The following STAB2 variants were observed in gnomAD, a reference collection of about 807,000 sequenced individuals.
STAB2 encodes stabilin 2.
In STAB2, 288 loss-of-function variants were observed where a neutral mutation model predicts 338.1. That is an observed-to-expected ratio of 0.85 (90% CI 0.77 to 0.94). STAB2 has a LOEUF of 0.94. Among genes scored for constraint, STAB2 ranks in the 40% least tolerant of loss-of-function variants. STAB2 has a pLI of 0.00. For synonymous variants in STAB2, 1,202 were observed against 1,193.3 expected, an observed-to-expected ratio of 1.01 and a Z score of -0.15; for missense variants, 3,141 against 3,210.1, an observed-to-expected ratio of 0.98 and a Z score of 0.52.
At chr12:103,748,940 C>T in intron 58 of STAB2, 23 bp from the exon 59 acceptor site, 1 of 1,601,164 alleles carries the variant, frequency 6.2e-7, no homozygotes, top group Non-Finnish European at 8.5e-7. Context: ...GTAAGTTGAG[C>T]CCTCTCTCCT....
chr12:103,744,314 T>A (rs1882822955), intron 56 of STAB2, among the ~76,000 whole-genome samples: 2 of 151,930 alleles, frequency 1.3e-5, no homozygotes, highest in African/African-American at 4.8e-5. Context: ...CAAATAATTT[T>A]TTATTTTTTA....
intron 3 of STAB2, among the ~76,000 whole-genome samples, chr12:103,598,687 T>G (rs1267740168): frequency 6.6e-6 from 1 of 152,226 alleles, no homozygotes; most frequent in Non-Finnish European, 1.5e-5. Context: ...TTTCATAAAT[T>G]GTTAAAACAA....
chr12:103,596,280 C>A (rs969769347), intron 3 of STAB2, among the ~76,000 whole-genome samples: 12 of 152,178 alleles, frequency 7.9e-5, no homozygotes. Context: ...TGCTAAGTTA[C>A]TAATCAGAAA....
At chr12:103,621,479 T>A (rs1213656486) in intron 4 of STAB2, among the ~76,000 whole-genome samples, 1 of 152,184 alleles carries the variant, frequency 6.6e-6, no homozygotes, top group Non-Finnish European at 1.5e-5. Context: ...ACGCCTGTAA[T>A]CCCAGTACTT....
At chr12:103,693,347 G>A (rs1418215741) in intron 31 of STAB2, among the ~76,000 whole-genome samples, 1 of 152,046 alleles carries the variant, frequency 6.6e-6, no homozygotes, top group Non-Finnish European at 1.5e-5. Flanking sequence ...TGAGGCAGGA[G>A]GATCACTTGA....
rs1294836084 is a variant in STAB2 at position 103,629,201 on chromosome 12, T to G, written c.488-2397T>G. On this transcript the variant is annotated intron_variant, in intron 5 of 68. Coordinates refer to ENST00000388887, the MANE Select transcript of STAB2 (RefSeq NM_017564.10). The stretch of plus-strand genomic sequence containing the variant: ...CAGAGAGGCTGTGGTGTTCTGCTGC[T>G]GAGCATAAACGATGTCACAGAATAT... Among the ~76,000 whole-genome samples, 3 of 152,346 alleles carry G rather than the reference T, an allele frequency of 2.0e-5. No homozygotes were observed. The South Asian group carries it at 6.2e-4, about 32-fold the overall frequency.
chr12:103,669,555 C>T lies in STAB2; in HGVS notation c.2187C>T (p.Cys729=). 6.2e-7 allele frequency: 1 copy of T among 1,614,202 alleles called. No individual in the cohort carries two copies. The highest frequency in any genetic ancestry group is 8.5e-7 in the Non-Finnish European group (1 of 1,180,016). The part of the protein sequence containing the change: ...CNATVKIPKC[C]KGFYGPDCNQ... ...TTGTTTTTCAGATTCCAAAGTGCTG[C>T]AAAGGCTTCTATGGACCTGACTGCA... The change falls in exon 21 of 69, where the codon TGC becomes TGT. Residue 729 remains cysteine (C), a synonymous_variant. Coordinates refer to ENST00000388887, the MANE Select transcript of STAB2 (RefSeq NM_017564.10).
intron 9 of STAB2, among the ~76,000 whole-genome samples, chr12:103,647,371 C>T (rs996495321): frequency 2.6e-5 from 4 of 152,140 alleles, no homozygotes; most frequent in Non-Finnish European, 4.4e-5. Flanking sequence ...ATGCTTTCCT[C>T]AATGTGAGTC....
intron 34 of STAB2, among the ~76,000 whole-genome samples, chr12:103,701,504 TA>T (rs1878867859): frequency 6.6e-6 from 1 of 152,244 alleles, no homozygotes; most frequent in South Asian, 2.1e-4. Context: ...AAATGCTTTC[TA>T]AATGAGTAGA....
At chr12:103,747,964 T>A (rs1593324435) in intron 58 of STAB2, among the ~76,000 whole-genome samples, 1 of 131,286 alleles carries the variant, frequency 7.6e-6, no homozygotes, top group African/African-American at 3.1e-5. Context: ...CACTCTACTC[T>A]AGCCTGGGCA....
intron 23 of STAB2, 74 bp from the exon 24 acceptor site, chr12:103,675,854 T>C (rs1163284680): frequency 2.4e-6 from 3 of 1,239,726 alleles, no homozygotes; most frequent in Non-Finnish European, 3.4e-6. Flanking sequence ...AACTGGCTCA[T>C]CTCTAGCTGG....
At chr12:103,625,928 C>T (rs1414310031) in intron 5 of STAB2, among the ~76,000 whole-genome samples, 1 of 152,124 alleles carries the variant, frequency 6.6e-6, no homozygotes, top group African/African-American at 2.4e-5. Context: ...CCTGAGGAAT[C>T]GCCACACTGA....
chr12:103,600,083 C>T (rs1956932257), intron 3 of STAB2, among the ~76,000 whole-genome samples: 4 of 152,178 alleles, frequency 2.6e-5, no homozygotes, highest in Admixed American at 2.6e-4. Flanking sequence ...ATACCTTCCT[C>T]ATTTAGATGT....
chr12:103,626,382 C>T (rs1280843820), intron 5 of STAB2, among the ~76,000 whole-genome samples: 2 of 152,150 alleles, frequency 1.3e-5, no homozygotes, highest in Admixed American at 1.3e-4. Flanking sequence ...CTCAGCCTGA[C>T]CATAGTTTGA....
rs769749218 is a variant in STAB2 at position 103,666,320 on chromosome 12, C to T, written c.2052C>T (p.Tyr684=). ...CTTGTGTGAGCTGTTCTCTGGTGTACTGGAGCAGATGTCCTGCTAACTCTG... is the reference window on the plus strand; with the variant it reads ...CTTGTGTGAGCTGTTCTCTGGTGTATTGGAGCAGATGTCCTGCTAACTCTG... ...LGTCVSCSLV[Y]WSRCPANSEP... Residue 684 remains tyrosine (Y), a synonymous_variant, in exon 19 of 69, where the codon TAC becomes TAT. Coordinates refer to ENST00000388887, the MANE Select transcript of STAB2 (RefSeq NM_017564.10). The T allele has an allele frequency of 1.1e-5, 17 of 1,614,174 alleles. No homozygotes were observed. The highest frequency in any genetic ancestry group is 1.4e-5 in the Non-Finnish European group (16 of 1,180,032).
At chr12:103,741,594 C>A (rs1050192936) in intron 55 of STAB2, among the ~76,000 whole-genome samples, 1 of 152,186 alleles carries the variant, frequency 6.6e-6, no homozygotes, top group Admixed American at 6.5e-5. Flanking sequence ...GCTGGGACTA[C>A]AGGCACATGC....
chr12:103,746,550 C>G, intron 57 of STAB2, 47 bp from the exon 58 acceptor site: 1 of 1,587,132 alleles, frequency 6.3e-7, no homozygotes. Flanking sequence ...TGGGTTTTAA[C>G]TCTTCACACC....
chr12:103,724,506 C>T (rs1408068145), intron 44 of STAB2, among the ~76,000 whole-genome samples: 1 of 152,148 alleles, frequency 6.6e-6, no homozygotes, highest in African/African-American at 2.4e-5. Context: ...CCGTGCTTTG[C>T]TTTGTTTGTA....
At chr12:103,678,376 C>T (rs554308746) in intron 25 of STAB2, among the ~76,000 whole-genome samples, 1 of 152,278 alleles carries the variant, frequency 6.6e-6, no homozygotes, top group Admixed American at 6.5e-5. Flanking sequence ...CACTTGACCC[C>T]GAGCCTTTTG....
Sources: gnomAD v4.1 joint callset for allele counts (sites outside exome capture counted in the v4.1 genomes callset) on GRCh38, gnomAD v4.1.1 for gene constraint, MANE v1.5 for transcripts, NCBI Gene and HGNC (gene_info 2026-07-23, HGNC 2026-07-21) for gene names.